DNAI4: variants seen among roughly 807,000 people sequenced by gnomAD.
The protein encoded by DNAI4 is dynein axonemal intermediate chain 4, also known as WD repeat domain 78.
Under a neutral mutation model 105.8 loss-of-function variants are expected in DNAI4, and 85 were observed. The ratio of observed to expected loss-of-function variants is 0.80; its 90% CI spans 0.67 to 0.96. The LOEUF (loss-of-function observed/expected upper bound fraction) is 0.96, where lower values mean the gene tolerates loss of function less well. Ranked by LOEUF, DNAI4 falls within the 40% of genes least tolerant of loss-of-function variation. The pLI, the probability that DNAI4 is intolerant of heterozygous loss-of-function variation, is 0.00. For synonymous variants in DNAI4, 352 were observed against 331.5 expected (o/e 1.06, Z -0.67); for missense variants, 1,014 against 1,005.6 (o/e 1.01, Z -0.11).
At chr1:66,881,431 C>T (rs558654470) in intron 4 of DNAI4, among the ~76,000 whole-genome samples, 23 of 113,436 alleles carry the variant, frequency 2.0e-4, no homozygotes, top group African/African-American at 7.8e-4. Flanking sequence ...GGGAACCCAC[C>T]TCTTGCATCA....
In DNAI4 at chr1:66,874,918, T is replaced by C; in HGVS notation, c.663A>G (p.Ala221=). 2 of 1,604,558 alleles carry C rather than the reference T, an allele frequency of 1.2e-6. No individual in the cohort carries two copies. The highest frequency in any genetic ancestry group is 1.7e-6 in the Non-Finnish European group (2 of 1,177,598). The stretch of plus-strand genomic sequence containing the variant: ...CTTTTGTTACAATTTTTTCAGGTGC[T>C]GCCCTTATAACTTGCAAATCTAAAA... ...TSFTDLQVIR[A]APEKIVTKED... is the part of the protein sequence containing the mutation. The change falls in exon 5 of 17, where the codon GCA becomes GCG. Residue 221 remains alanine (A), a synonymous_variant. Coordinates refer to ENST00000371026, the MANE Select transcript of DNAI4 (RefSeq NM_024763.5).
chr1:66,853,949 A>C (rs1376589289), intron 7 of DNAI4, among the ~76,000 whole-genome samples: 8 of 152,240 alleles, frequency 5.3e-5, no homozygotes, highest in Non-Finnish European at 1.5e-5. Flanking sequence ...TGCAGTTGAC[A>C]TGATTGTGTA....
At chr1:66,919,850 G>GT (rs542355582) in intron 1 of DNAI4, among the ~76,000 whole-genome samples, 13 of 152,154 alleles carry the variant, frequency 8.5e-5, no homozygotes, top group Non-Finnish European at 1.9e-4. Flanking sequence ...AAAAGCACTT[G>GT]TCAAGTCTCA....
At chr1:66,907,410 A>G (rs1031034705) in intron 1 of DNAI4, among the ~76,000 whole-genome samples, 1 of 151,684 alleles carries the variant, frequency 6.6e-6, no homozygotes, top group South Asian at 2.1e-4. Flanking sequence ...ATTACCTTCA[A>G]CTCTCTCATT....
At chr1:66,828,387 A>G (rs1485118712) in intron 13 of DNAI4, 1 of 152,238 alleles carries the variant, frequency 6.6e-6, no homozygotes, top group African/African-American at 2.4e-5. Flanking sequence ...TATTACCAAT[A>G]CATATTCCCA....
rs1648646806 is a variant in DNAI4 at position 66,899,721 on chromosome 1, A to G, written c.345+5480T>C. 1.3e-5 allele frequency among the ~76,000 whole-genome samples: 2 copies of G among 152,176 alleles called. 1 individual carries two copies. Among genetic ancestry groups the G allele is most frequent in the African/African-American group, 4.8e-5 (2 of 41,436 alleles). ...TTAGCTCTTAAATCTGTCTTTAATAAATTTTGAATTAGTTTGAAAATATGA... is the reference window on the plus strand; with the variant it reads ...TTAGCTCTTAAATCTGTCTTTAATAGATTTTGAATTAGTTTGAAAATATGA... On this transcript the variant is annotated intron_variant, in intron 2 of 16. Coordinates refer to ENST00000371026, the MANE Select transcript of DNAI4 (RefSeq NM_024763.5).
chr1:66,888,883 A>G lies in DNAI4; in HGVS notation c.643+2271T>C, dbSNP rs529911178. 1.2e-4 allele frequency among the ~76,000 whole-genome samples: 19 copies of G among 152,358 alleles called. No homozygotes were observed. In the East Asian group the frequency reaches 2.9e-3, roughly 23 times the overall value. On this transcript the variant is annotated intron_variant, in intron 4 of 16. Transcript: ENST00000371026. ...AAGATTTAGTCTTTATGCTAAGAGT[A>G]ATGCAAATCCTTTGAAGAGTTAGTT...
chr1:66,912,066 T>C (rs1649698116), intron 1 of DNAI4, among the ~76,000 whole-genome samples: 1 of 152,226 alleles, frequency 6.6e-6, no homozygotes, highest in African/African-American at 2.4e-5. Flanking sequence ...AGTCTCAAAC[T>C]GCTGACCTCA....
At chr1:66,898,290 G>A (rs1299441197) in intron 2 of DNAI4, among the ~76,000 whole-genome samples, 1 of 152,044 alleles carries the variant, frequency 6.6e-6, no homozygotes, top group Non-Finnish European at 1.5e-5. Flanking sequence ...AGTTGATGTT[G>A]GAATGAGTTA....
chr1:66,884,766 C>A (rs1229900704), intron 4 of DNAI4, among the ~76,000 whole-genome samples: 1 of 152,138 alleles, frequency 6.6e-6, no homozygotes, highest in Admixed American at 6.5e-5. Context: ...CCTTCAGACC[C>A]CAACTGCAGC....
At chr1:66,833,521 C>G in intron 13 of DNAI4, 64 bp downstream of exon 13, 1 of 1,581,470 alleles carries the variant, frequency 6.3e-7, no homozygotes, top group Non-Finnish European at 8.6e-7. Flanking sequence ...TGTTTTATGA[C>G]TTAATACACT....
chr1:66,825,217 G>A (rs573021269), intron 15 of DNAI4, among the ~76,000 whole-genome samples: 2 of 137,640 alleles, frequency 1.5e-5, no homozygotes, highest in African/African-American at 5.5e-5. Context: ...CTGTCGCCCA[G>A]GCGGGACTGC....
intron 11 of DNAI4, 53 bp from the exon 12 acceptor site, chr1:66,834,201 A>G: frequency 7.0e-7 from 1 of 1,426,400 alleles, no homozygotes; most frequent in Non-Finnish European, 9.4e-7. Flanking sequence ...AATTTCTTAA[A>G]GGCCTTGGAG....
At position 66,898,077 on chromosome 1, in the gene DNAI4, A is replaced by C. The variant is rs562231436; in HGVS notation, c.346-4664T>G. Among the ~76,000 whole-genome samples, 36 of 152,326 alleles carry C rather than the reference A, an allele frequency of 2.4e-4. No homozygotes were observed. In the East Asian group the frequency reaches 6.6e-3, roughly 28 times the overall value. ...CACCAGTGTGTCCAGAAGGCAGTACATGGAGTCAAAAGATATTATTCTCCA... is the reference window on the plus strand; with the variant it reads ...CACCAGTGTGTCCAGAAGGCAGTACCTGGAGTCAAAAGATATTATTCTCCA... On this transcript the variant is annotated intron_variant, in intron 2 of 16. Transcript: ENST00000371026.
chr1:66,831,044 G>A (rs1360097805), intron 13 of DNAI4, among the ~76,000 whole-genome samples: 3 of 149,428 alleles, frequency 2.0e-5, no homozygotes, highest in African/African-American at 7.3e-5. Flanking sequence ...GGATGCTAAG[G>A]GAGTATTATG....
At chr1:66,827,754 G>T in intron 14 of DNAI4, 58 bp downstream of exon 14, 2 of 961,158 alleles carry the variant, frequency 2.1e-6, no homozygotes, top group South Asian at 1.8e-5. Context: ...TGTATATAAT[G>T]GTACTGTTTT....
intron 14 of DNAI4, among the ~76,000 whole-genome samples, chr1:66,827,268 C>G (rs1343266629): frequency 1.3e-5 from 2 of 151,286 alleles, no homozygotes; most frequent in African/African-American, 4.9e-5. Context: ...AAATTTAACA[C>G]ATATTATGCA....
chr1:66,836,190 AAGAAAGAAAGAAAGAAAGAGAG>A (rs1557908107), intron 10 of DNAI4, among the ~76,000 whole-genome samples: 1,109 of 68,614 alleles, frequency 0.016, 30 homozygotes, highest in Middle Eastern at 0.036. Context: ...GAAAGAAAGA[AAGAAAGAAAGAAAGAAAGAGAG>A]AGAGAGAGAG....
intron 8 of DNAI4, among the ~76,000 whole-genome samples, chr1:66,845,210 G>T (rs201723855): frequency 1.8e-4 from 4 of 21,630 alleles, no homozygotes; most frequent in East Asian, 8.4e-4. Flanking sequence ...AAAAAAAAAA[G>T]AAAAATTAAA....
Sources: gnomAD v4.1 joint callset for allele counts (sites outside exome capture counted in the v4.1 genomes callset) on GRCh38, gnomAD v4.1.1 for gene constraint, MANE v1.5 for transcripts, NCBI Gene and HGNC (gene_info 2026-07-23, HGNC 2026-07-21) for gene names.